Variants in SHISA9 observed in about 807,000 individuals in gnomAD.
SHISA9 encodes the protein protein shisa-9.
A neutral mutation model predicts 38.0 loss-of-function variants in SHISA9; 13 were observed. The ratio of observed to expected loss-of-function variants is 0.34; its 90% CI spans 0.22 to 0.54. The LOEUF is 0.54. SHISA9 is among the 20% of genes least tolerant of loss of function. SHISA9 has a pLI of 0.91. For synonymous variants in SHISA9, 275 were observed against 242.0 expected, an observed-to-expected ratio of 1.14 and a Z score of -1.27; for missense variants, 538 against 575.8, an observed-to-expected ratio of 0.93 and a Z score of 0.67.
chr16:13,499,319 T>TTAAA, the SHISA9 span, among the ~76,000 whole-genome samples: 20 of 152,186 alleles, frequency 1.3e-4, 1 homozygote, highest in Non-Finnish European at 2.9e-5. Context: ...AAGAGATGGA[T>TTAAA]TAAATCAACA....
At chr16:13,256,729 T>C in the SHISA9 span, among the ~76,000 whole-genome samples, 2 of 152,292 alleles carry the variant, frequency 1.3e-5, no homozygotes, top group East Asian at 3.9e-4. Flanking sequence ...AGTGAACAAA[T>C]GAATGAGTGA....
chr16:13,259,360 T>C, the SHISA9 span, among the ~76,000 whole-genome samples: 1 of 152,156 alleles, frequency 6.6e-6, no homozygotes. Flanking sequence ...CACAGGCTGA[T>C]GTTGAGTGTC....
intron 2 of SHISA9, among the ~76,000 whole-genome samples, chr16:13,032,908 C>T (rs553550824): frequency 2.0e-5 from 3 of 152,268 alleles, no homozygotes; most frequent in South Asian, 2.1e-4. Flanking sequence ...CTTGTAATTG[C>T]AAAGTTCCCT....
chr16:13,210,084 G>A (rs2051103666), intron 3 of SHISA9, among the ~76,000 whole-genome samples: 1 of 152,264 alleles, frequency 6.6e-6, no homozygotes, highest in African/African-American at 2.4e-5. Context: ...CTGGGCAACA[G>A]AGCGAGACTC....
At chr16:13,477,315 G>C in the SHISA9 span, among the ~76,000 whole-genome samples, 1 of 152,166 alleles carries the variant, frequency 6.6e-6, no homozygotes, top group African/African-American at 2.4e-5. Context: ...ACACAGACTG[G>C]GCAAAAGTTA....
At chr16:13,078,778 G>T (rs1346222389) in intron 2 of SHISA9, among the ~76,000 whole-genome samples, 1 of 152,198 alleles carries the variant, frequency 6.6e-6, no homozygotes, top group East Asian at 1.9e-4. Context: ...TTTACTGTGT[G>T]CCAGGCTCTA....
intron 2 of SHISA9, among the ~76,000 whole-genome samples, chr16:12,966,914 C>A (rs2071986912): frequency 6.6e-6 from 1 of 152,154 alleles, no homozygotes; most frequent in African/African-American, 2.4e-5. Flanking sequence ...GAAATCTTGC[C>A]TGATTCTAGC....
Position 13,073,968 on chromosome 16 carries a change from TG to T in SHISA9, c.692-129425del, listed in dbSNP as rs1289788804. 3.2e-4 allele frequency among the ~76,000 whole-genome samples: 40 copies of T among 124,722 alleles called. 1 individual carries two copies. The highest frequency in any genetic ancestry group is 8.7e-4 in the African/African-American group (24 of 27,560). The allele number at this position is 124,722 out of a possible 152,430, so 81.8% of individuals were successfully genotyped here. On this transcript the variant is annotated intron_variant, in intron 2 of 4. Transcript: ENST00000558583. Reference sequence around the variant, plus strand: ...AATTTCTGCTGGTCGTTTTTTTTTTTGTTTTTTTTTTTTGTGGGGGGTGCAG... The same window carrying T: ...AATTTCTGCTGGTCGTTTTTTTTTTTTTTTTTTTTTTTGTGGGGGGTGCAG...
intron 2 of SHISA9, among the ~76,000 whole-genome samples, chr16:12,963,721 G>T (rs1454183416): frequency 6.6e-6 from 1 of 152,242 alleles, no homozygotes; most frequent in South Asian, 2.1e-4. Context: ...GTGCCAGGTG[G>T]GATTTAAATA....
intron 2 of SHISA9, among the ~76,000 whole-genome samples, chr16:13,150,528 A>T (rs1182980386): frequency 6.6e-6 from 1 of 152,190 alleles, no homozygotes; most frequent in Admixed American, 6.5e-5. Flanking sequence ...AGATAGTGAG[A>T]TTATTCTACT....
At chr16:13,305,528 T>C in the SHISA9 span, among the ~76,000 whole-genome samples, 27 of 152,180 alleles carry the variant, frequency 1.8e-4, no homozygotes, top group Admixed American at 1.5e-3. Flanking sequence ...TCACTCTCCC[T>C]TGCTTGCTCT....
the SHISA9 span, among the ~76,000 whole-genome samples, chr16:13,330,884 A>G: frequency 6.6e-6 from 1 of 152,074 alleles, no homozygotes. Flanking sequence ...CAGGAACTCT[A>G]ATGTATCACT....
the SHISA9 span, among the ~76,000 whole-genome samples, chr16:13,525,163 A>C: frequency 6.6e-6 from 1 of 152,186 alleles, no homozygotes; most frequent in African/African-American, 2.4e-5. Context: ...ATTTCTAGTA[A>C]GTTTCATGTG....
intron 2 of SHISA9, among the ~76,000 whole-genome samples, chr16:13,166,596 A>G (rs2050638134): frequency 6.6e-6 from 1 of 151,758 alleles, no homozygotes; most frequent in South Asian, 2.1e-4. Flanking sequence ...CTGTGTTATC[A>G]TTCTCCCCCG....
At chr16:13,419,282 A>G in the SHISA9 span, among the ~76,000 whole-genome samples, 6 of 152,236 alleles carry the variant, frequency 3.9e-5, no homozygotes, top group Non-Finnish European at 5.9e-5. Context: ...TCCAAGAAAG[A>G]AGACATTCTG....
chr16:13,111,470 T>C (rs1596654574), intron 2 of SHISA9, among the ~76,000 whole-genome samples: 1 of 152,322 alleles, frequency 6.6e-6, no homozygotes, highest in East Asian at 1.9e-4. Context: ...ATTTAAGTCC[T>C]CTGTGCCTTG....
At chr16:13,361,355 T>A in the SHISA9 span, among the ~76,000 whole-genome samples, 1 of 152,242 alleles carries the variant, frequency 6.6e-6, no homozygotes, top group Non-Finnish European at 1.5e-5. Flanking sequence ...GCCGGAAACC[T>A]GGATGCATCC....
downstream of SHISA9, among the ~76,000 whole-genome samples, chr16:13,242,395 C>A (rs2051441995): frequency 6.6e-6 from 1 of 152,138 alleles, no homozygotes; most frequent in Admixed American, 6.5e-5. Flanking sequence ...ACTAGAGTGG[C>A]CCCTGGACCC....
At chr16:13,361,027 T>C in the SHISA9 span, among the ~76,000 whole-genome samples, 1 of 152,232 alleles carries the variant, frequency 6.6e-6, no homozygotes. Flanking sequence ...ACCAAACTCC[T>C]TGTCTTAGGT....
Sources: allele counts gnomAD v4.1 joint callset (sites outside exome capture counted in the v4.1 genomes callset), GRCh38; gene constraint gnomAD v4.1.1; transcripts MANE v1.5; gene names NCBI Gene and HGNC (gene_info 2026-07-23, HGNC 2026-07-21).